PDILT: variants seen among roughly 807,000 people sequenced by gnomAD.
The protein encoded by PDILT is protein disulfide-isomerase-like protein of the testis.
PDILT carries 43 observed loss-of-function variants against 53.7 expected under a neutral mutation model. That is an observed-to-expected ratio of 0.80 (90% CI 0.63 to 1.03). The LOEUF is 1.03. Among genes scored for constraint, PDILT ranks in the 50% least tolerant of loss-of-function variants. PDILT has a pLI of 0.00. For missense variants in PDILT, 727 were observed against 712.3 expected (o/e 1.02, Z -0.24); for synonymous variants, 282 against 274.2 (o/e 1.03, Z -0.28).
chr16:20,384,540 G>A, intron 3 of PDILT, 105 bp downstream of exon 3: 1 of 1,360,582 alleles, frequency 7.3e-7, no homozygotes. Flanking sequence ...GAGGATCCTG[G>A]GTCCCCGAGA....
intron 11 of PDILT, among the ~76,000 whole-genome samples, chr16:20,360,264 G>A (rs1356273374): frequency 4.6e-5 from 7 of 152,228 alleles, no homozygotes; most frequent in Non-Finnish European, 8.8e-5. Context: ...AGTAATGCCA[G>A]AGGGCAGAAT....
At chr16:20,404,006 T>G (rs1381735953) in intron 1 of PDILT, among the ~76,000 whole-genome samples, 1 of 152,228 alleles carries the variant, frequency 6.6e-6, no homozygotes, top group Non-Finnish European at 1.5e-5. Context: ...CATATCACCA[T>G]TGTTTGCATC....
At chr16:20,396,226 C>T (rs181346086) in intron 2 of PDILT, among the ~76,000 whole-genome samples, 1 of 152,300 alleles carries the variant, frequency 6.6e-6, no homozygotes, top group Admixed American at 6.5e-5. Flanking sequence ...AGTGAGACAA[C>T]AAGAAACTCA....
intron 1 of PDILT, among the ~76,000 whole-genome samples, chr16:20,400,786 T>A (rs552506019): frequency 6.6e-6 from 1 of 152,298 alleles, no homozygotes; most frequent in East Asian, 1.9e-4. Flanking sequence ...ATTTCACCCA[T>A]AAATATTTTA....
intron 9 of PDILT, among the ~76,000 whole-genome samples, chr16:20,364,976 G>A (rs1004588536): frequency 9.9e-5 from 15 of 152,152 alleles, no homozygotes; most frequent in African/African-American, 3.6e-4. Context: ...GGCACTTACT[G>A]ACTGCAAGAT....
chr16:20,401,295 C>T (rs972252216), intron 1 of PDILT, among the ~76,000 whole-genome samples: 1 of 152,136 alleles, frequency 6.6e-6, no homozygotes, highest in East Asian at 1.9e-4. Flanking sequence ...TAGGTAGAAC[C>T]CTTGTTCTTA....
chr16:20,380,726 G>C (rs1025231743), intron 3 of PDILT, among the ~76,000 whole-genome samples: 1 of 152,188 alleles, frequency 6.6e-6, no homozygotes, highest in African/African-American at 2.4e-5. Context: ...CTCCCAGTAA[G>C]CTCCTGTAAT....
chr16:20,395,676 T>A (rs1966653446), intron 2 of PDILT, among the ~76,000 whole-genome samples: 1 of 152,162 alleles, frequency 6.6e-6, no homozygotes, highest in Non-Finnish European at 1.5e-5. Flanking sequence ...TGGGGCCTAA[T>A]AGGAGGTGTT....
intron 1 of PDILT, among the ~76,000 whole-genome samples, chr16:20,401,686 A>G (rs1966742321): frequency 6.6e-6 from 1 of 152,228 alleles, no homozygotes; most frequent in Non-Finnish European, 1.5e-5. Flanking sequence ...ACACTGGGCC[A>G]GTGACCCTGA....
chr16:20,378,525 G>A (rs912809488), intron 3 of PDILT, among the ~76,000 whole-genome samples: 34 of 151,930 alleles, frequency 2.2e-4, no homozygotes, highest in African/African-American at 7.3e-4. Context: ...CATGTGCCAC[G>A]GTGCTTTGCT....
At chr16:20,367,452 T>C (rs1012115589) in intron 8 of PDILT, among the ~76,000 whole-genome samples, 1 of 151,992 alleles carries the variant, frequency 6.6e-6, no homozygotes, top group Non-Finnish European at 1.5e-5. Context: ...GCATGGGAGA[T>C]AGAAAATGGT....
intron 5 of PDILT, 147 bp downstream of exon 5, chr16:20,374,675 C>T: frequency 1.1e-6 from 1 of 870,228 alleles, no homozygotes; most frequent in Non-Finnish European, 1.7e-6. Context: ...GTTGGAGCAA[C>T]ACTGGGAGAC....
intron 9 of PDILT, among the ~76,000 whole-genome samples, chr16:20,362,814 C>G (rs530528360): frequency 3.3e-5 from 5 of 151,984 alleles, no homozygotes; most frequent in Admixed American, 6.6e-5. Context: ...TGGCTCACAC[C>G]TGTAATCCCA....
chr16:20,389,642 A>G (rs1966584250), intron 2 of PDILT, among the ~76,000 whole-genome samples: 2 of 152,178 alleles, frequency 1.3e-5, no homozygotes, highest in Admixed American at 1.3e-4. Context: ...ATGTTAGAAT[A>G]GGCAATGGCT....
chr16:20,360,266 G>A (rs4494548), intron 11 of PDILT, among the ~76,000 whole-genome samples: 15,851 of 152,212 alleles, frequency 0.1, 897 homozygotes, highest in African/African-American at 0.13. Flanking sequence ...TAATGCCAGA[G>A]GGCAGAATCC....
chr16:20,401,099 G>T (rs1416548262), intron 1 of PDILT, among the ~76,000 whole-genome samples: 1 of 152,156 alleles, frequency 6.6e-6, no homozygotes, highest in East Asian at 1.9e-4. Context: ...AAAGGAAGAA[G>T]GGCAAGTGGA....
In PDILT at chr16:20,374,931, A is replaced by G; in HGVS notation, c.572T>C (p.Phe191Ser). Residue 191 changes from phenylalanine to serine, a missense_variant, in exon 5 of 12, where the codon TTC becomes TCC. By Grantham distance (155) the Phe-to-Ser change is radical. Coordinates refer to ENST00000302451, the MANE Select transcript of PDILT (RefSeq NM_174924.2). ...QDLEEEVAEL[F>S]YDVIKDFPEL... ...TGGAAAGTCTTTGATCACATCATAG[A>G]ACAACTCTGCTACTTCTTCCTCTAA... 17 of 1,612,806 alleles carry G rather than the reference A, an allele frequency of 1.1e-5. No homozygotes were observed. Among genetic ancestry groups the G allele is most frequent in the Non-Finnish European group, 1.4e-5 (17 of 1,179,358 alleles).
chr16:20,400,048 ATC>A (rs58602436), intron 1 of PDILT, among the ~76,000 whole-genome samples: 2,315 of 122,578 alleles, frequency 0.019, 42 homozygotes, highest in African/African-American at 0.062. Context: ...CTATCTATCT[ATC>A]TATCTATATA....
At position 20,365,408 on chromosome 16, in the gene PDILT, G is replaced by C. The variant is rs777204190; in HGVS notation, c.1237+12C>G. On this transcript the variant is annotated intron_variant, in intron 9 of 11. Transcript: ENST00000302451. The stretch of plus-strand genomic sequence containing the variant: ...CACCCGTTGCCTCAGAACCCCTCTT[G>C]GAGATACTTACAGAACATCACAAAT... 1 of 1,613,410 alleles carries C rather than the reference G, an allele frequency of 6.2e-7. No homozygotes were observed.
Sources: gnomAD v4.1 joint callset for allele counts (sites outside exome capture counted in the v4.1 genomes callset) on GRCh38, gnomAD v4.1.1 for gene constraint, MANE v1.5 for transcripts, NCBI Gene and HGNC (gene_info 2026-07-23, HGNC 2026-07-21) for gene names.